Variants in ALS2 observed in about 807,000 individuals in gnomAD.
ALS2 encodes alsin Rho guanine nucleotide exchange factor ALS2, also known as alsin.
ALS2 carries 117 observed loss-of-function variants against 203.4 expected under a neutral mutation model. The ratio of observed to expected loss-of-function variants is 0.58; its 90% CI spans 0.50 to 0.67. ALS2 has a LOEUF of 0.67. Ranked by LOEUF, ALS2 falls within the 30% of genes least tolerant of loss-of-function variation. The pLI, the probability that ALS2 is intolerant of heterozygous loss-of-function variation, is 0.00. For missense variants in ALS2, 1,715 were observed against 1,989.4 expected (o/e 0.86, Z 2.62); for synonymous variants, 718 against 725.9 (o/e 0.99, Z 0.17).
intron 27 of ALS2, 96 bp downstream of exon 27, chr2:201,709,784 TA>T: frequency 6.8e-7 from 1 of 1,475,132 alleles, no homozygotes; most frequent in Non-Finnish European, 9.4e-7. Flanking sequence ...GACTGTGGCA[TA>T]AAACTATTTT....
Position 201,725,454 on chromosome 2 carries a change from C to A in ALS2, c.3249G>T (p.Gly1083=), listed in dbSNP as rs751623487. Residue 1083 remains glycine, a splice_region_variant and synonymous_variant, in exon 20 of 34, where the codon GGG becomes GGT. Coordinates refer to ENST00000264276, the MANE Select transcript of ALS2 (RefSeq NM_020919.4). ...TGTTTGGGATTCTGTATTCTCCATA[C>A]CTGCCATGAAAAAGAAAAAATAACA... ...SGMFRNGLED[G]YGEYRIPNKA... 1 of 1,612,092 alleles carries A rather than the reference C, an allele frequency of 6.2e-7. No individual in the cohort carries two copies. Among genetic ancestry groups the A allele is most frequent in the Non-Finnish European group, 8.5e-7 (1 of 1,178,332 alleles).
intron 2 of ALS2, 74 bp from the exon 3 acceptor site, chr2:201,767,457 T>C (rs1694148492): frequency 6.6e-7 from 1 of 1,523,438 alleles, no homozygotes; most frequent in Admixed American, 1.8e-5. Context: ...ATACTTTTCA[T>C]GATTGTACCT....
intron 3 of ALS2, among the ~76,000 whole-genome samples, chr2:201,766,463 T>C (rs1462229037): frequency 3.3e-5 from 5 of 151,382 alleles, no homozygotes; most frequent in Non-Finnish European, 3.0e-5. Flanking sequence ...CTGGCCAACA[T>C]GGTGAAACCC....
intron 23 of ALS2, among the ~76,000 whole-genome samples, chr2:201,719,310 G>T (rs1690605277): frequency 6.6e-6 from 1 of 152,206 alleles, no homozygotes; most frequent in African/African-American, 2.4e-5. Context: ...GGGCCAGAGG[G>T]TTGGGCGCTG....
At chr2:201,776,643 CTT>C (rs1185080121) in intron 1 of ALS2, among the ~76,000 whole-genome samples, 3 of 152,130 alleles carry the variant, frequency 2.0e-5, no homozygotes, top group Non-Finnish European at 4.4e-5. Flanking sequence ...CAACTACTCT[CTT>C]ATTAAAATGG....
intron 14 of ALS2, 105 bp from the exon 15 acceptor site, chr2:201,728,745 T>C (rs1691352558): frequency 6.5e-6 from 9 of 1,385,518 alleles, no homozygotes; most frequent in Non-Finnish European, 9.0e-6. Context: ...AATTTGCTGG[T>C]CGTAGCTTAG....
chr2:201,724,362 T>C lies in ALS2; in HGVS notation c.3445A>G (p.Ser1149Gly). ...ATTACCCACTGGCCAATGAACATACTAGGAGAAGAGGACGTCAATTTCCCA... is the reference window on the plus strand; with the variant it reads ...ATTACCCACTGGCCAATGAACATACCAGGAGAAGAGGACGTCAATTTCCCA... ...RSGKLTSSSPSMFIGQWVMDK... is the reference protein window; with the variant it reads ...RSGKLTSSSPGMFIGQWVMDK... Residue 1149 changes from serine (S) to glycine (G), a missense_variant, in exon 21 of 34, where the codon AGT becomes GGT. By Grantham distance (56) the Ser-to-Gly change is moderately conservative. This residue lies in a region of ALS2 where 1,227 missense variants were observed against 1,413.5 expected (regional missense o/e 0.87). Coordinates refer to ENST00000264276, the MANE Select transcript of ALS2 (RefSeq NM_020919.4). 6.2e-7 allele frequency: 1 copy of C among 1,613,900 alleles called. No individual in the cohort carries two copies. The highest frequency in any genetic ancestry group is 8.5e-7 in the Non-Finnish European group (1 of 1,179,828).
At chr2:201,773,335 T>C (rs1401560360) in intron 1 of ALS2, among the ~76,000 whole-genome samples, 1 of 152,174 alleles carries the variant, frequency 6.6e-6, no homozygotes, top group Non-Finnish European at 1.5e-5. Context: ...TTTCATACAA[T>C]GCTGCCAATT....
At chr2:201,740,538 AC>A (rs1553509741) in intron 11 of ALS2, among the ~76,000 whole-genome samples, 1 of 36,518 alleles carries the variant, frequency 2.7e-5, no homozygotes, top group South Asian at 6.0e-4. Context: ...AATCACAGAA[AC>A]AACAAAATCT....
At chr2:201,728,965 C>T in intron 14 of ALS2, 87 bp downstream of exon 14, 2 of 1,602,104 alleles carry the variant, frequency 1.2e-6, no homozygotes, top group South Asian at 2.2e-5. Flanking sequence ...TTACCACAAA[C>T]AAGTGAGGAA....
At position 201,755,983 on chromosome 2, in the gene ALS2, C is replaced by T. The variant is rs552046839; in HGVS notation, c.1472-1312G>A. On this transcript the variant is annotated intron_variant, in intron 5 of 33. Transcript: ENST00000264276. ...GGTGAATGTATCGTTTCTATGCATA[C>T]GGAGACTCAAATAAACCTACTTGAA... 2.7e-4 allele frequency among the ~76,000 whole-genome samples: 41 copies of T among 152,122 alleles called. 1 individual carries two copies. Among genetic ancestry groups the T allele is most frequent in the African/African-American group, 8.9e-4 (37 of 41,508 alleles).
intron 11 of ALS2, among the ~76,000 whole-genome samples, chr2:201,739,508 T>C (rs6705564): frequency 0.89 from 135,646 of 151,930 alleles, 61,022 homozygotes; most frequent in East Asian, 1. Flanking sequence ...TTTGGGAGGC[T>C]GAGGCAAGTG....
chr2:201,714,929 G>A (rs1690272324), intron 25 of ALS2, among the ~76,000 whole-genome samples: 1 of 152,152 alleles, frequency 6.6e-6, no homozygotes, highest in African/African-American at 2.4e-5. Flanking sequence ...CTGGTTCGCA[G>A]GCACCCCTTT....
At chr2:201,712,656 G>C (rs555125614) in intron 25 of ALS2, among the ~76,000 whole-genome samples, 7 of 152,060 alleles carry the variant, frequency 4.6e-5, no homozygotes, top group African/African-American at 1.4e-4. Flanking sequence ...TTGCTGCAGG[G>C]ATTAGTAAAT....
At chr2:201,719,706 A>G (rs1690647810) in intron 23 of ALS2, among the ~76,000 whole-genome samples, 1 of 152,250 alleles carries the variant, frequency 6.6e-6, no homozygotes. Context: ...CCTTCACCAA[A>G]CAGGGAATGC....
chr2:201,744,211 T>C, intron 10 of ALS2, 47 bp downstream of exon 10: 2 of 1,569,746 alleles, frequency 1.3e-6, no homozygotes, highest in Non-Finnish European at 1.8e-6. Context: ...GAAGAAGAGA[T>C]AAAGACCTGA....
intron 3 of ALS2, among the ~76,000 whole-genome samples, chr2:201,764,092 T>C (rs543468613): frequency 5.3e-5 from 8 of 152,184 alleles, no homozygotes; most frequent in Non-Finnish European, 1.2e-4. Context: ...GACTCAATAG[T>C]GGCTACAGGG....
At chr2:201,707,172 G>T in intron 28 of ALS2, 150 bp from the exon 29 acceptor site, 1 of 694,314 alleles carries the variant, frequency 1.4e-6, no homozygotes, top group Non-Finnish European at 2.5e-6. Flanking sequence ...TACATATGGA[G>T]TTGATATGAG....
At chr2:201,708,055 A>T (rs1689834196) in intron 27 of ALS2, 64 bp from the exon 28 acceptor site, 24 of 1,491,084 alleles carry the variant, frequency 1.6e-5, no homozygotes, top group Non-Finnish European at 2.1e-5. Flanking sequence ...AAGCATAAAA[A>T]CACATTTCCA....
Sources: gnomAD v4.1 joint callset for allele counts (sites outside exome capture counted in the v4.1 genomes callset) on GRCh38, gnomAD v4.1.1 for gene constraint, gnomAD v4.1.1 regional missense constraint, MANE v1.5 for transcripts, NCBI Gene and HGNC (gene_info 2026-07-23, HGNC 2026-07-21) for gene names.